Variants in NRXN3 observed in about 807,000 individuals in gnomAD.
NRXN3 encodes the protein neurexin III.
NRXN3 carries 32 observed loss-of-function variants against 137.6 expected under a neutral mutation model. That is an observed-to-expected ratio of 0.23 (90% confidence interval 0.18 to 0.31). The LOEUF is 0.31. Among genes scored for constraint, NRXN3 ranks in the 10% least tolerant of loss-of-function variants. NRXN3 has a pLI of 1.00. For missense variants in NRXN3, 1,574 were observed against 2,062.5 expected (o/e 0.76, Z 4.59); for synonymous variants, 798 against 784.5 (o/e 1.02, Z -0.29).
At chr14:79,763,659 T>TG (rs58287705) in intron 19 of NRXN3, among the ~76,000 whole-genome samples, 119,169 of 151,224 alleles carry the variant, frequency 0.79, 47,877 homozygotes, top group African/African-American at 0.94. Context: ...GGTGAGAGCT[T>TG]CTTCCTGGTT....
intron 14 of NRXN3, among the ~76,000 whole-genome samples, chr14:78,982,431 G>A (rs1056530886): frequency 1.3e-5 from 2 of 152,022 alleles, no homozygotes; most frequent in Non-Finnish European, 2.9e-5. Flanking sequence ...TAATAGTTCT[G>A]ACAAAAAACG....
chr14:78,427,863 T>C (rs1039192811), intron 4 of NRXN3, among the ~76,000 whole-genome samples: 1 of 152,220 alleles, frequency 6.6e-6, no homozygotes, highest in African/African-American at 2.4e-5. Flanking sequence ...AGGCATTTCC[T>C]GACCTTCCAC....
intron 4 of NRXN3, among the ~76,000 whole-genome samples, chr14:78,454,291 T>C (rs1407580286): frequency 6.7e-6 from 1 of 149,270 alleles, no homozygotes; most frequent in African/African-American, 2.6e-5. Context: ...TAGCTTCTCC[T>C]GATAACTTAA....
At chr14:78,569,723 C>A (rs921215986) in intron 4 of NRXN3, among the ~76,000 whole-genome samples, 5 of 151,856 alleles carry the variant, frequency 3.3e-5, no homozygotes, top group Non-Finnish European at 7.4e-5. Flanking sequence ...CCACACCCAG[C>A]TAATTTTTGT....
chr14:79,447,749 T>G (rs909657205), intron 15 of NRXN3, among the ~76,000 whole-genome samples: 8 of 152,236 alleles, frequency 5.3e-5, no homozygotes, highest in African/African-American at 1.9e-4. Context: ...CCAGTAATTT[T>G]TACGTATCAG....
intron 15 of NRXN3, among the ~76,000 whole-genome samples, chr14:79,234,053 G>A (rs980905997): frequency 6.6e-6 from 1 of 151,218 alleles, no homozygotes; most frequent in Non-Finnish European, 1.5e-5. Flanking sequence ...CTCTGGGAGT[G>A]AATAGGGGCT....
At chr14:78,428,750 A>G (rs1598550147) in intron 4 of NRXN3, among the ~76,000 whole-genome samples, 1 of 152,154 alleles carries the variant, frequency 6.6e-6, no homozygotes. Flanking sequence ...TTCAAAGGCC[A>G]TTAGACAGGA....
intron 17 of NRXN3, 60 bp downstream of exon 17, chr14:79,664,009 T>G: frequency 6.4e-7 from 1 of 1,557,640 alleles, no homozygotes. Flanking sequence ...CACTTTTCAG[T>G]GGTGATTTTT....
intron 19 of NRXN3, among the ~76,000 whole-genome samples, chr14:79,749,752 C>T (rs1026821088): frequency 6.7e-6 from 1 of 149,010 alleles, no homozygotes; most frequent in Non-Finnish European, 1.5e-5. Context: ...CCTTGATTTC[C>T]CATTCAAAGC....
At chr14:79,085,360 A>G (rs2047904101) in intron 15 of NRXN3, among the ~76,000 whole-genome samples, 1 of 152,166 alleles carries the variant, frequency 6.6e-6, no homozygotes, top group African/African-American at 2.4e-5. Context: ...CATTTATTTC[A>G]TAGATTACTT....
chr14:79,126,162 T>C (rs1203815546), intron 15 of NRXN3, among the ~76,000 whole-genome samples: 1 of 152,038 alleles, frequency 6.6e-6, no homozygotes, highest in Non-Finnish European at 1.5e-5. Context: ...TTCAGAGCAT[T>C]TATTTATTTT....
At chr14:78,192,349 A>T (rs1366821434) in intron 1 of NRXN3, among the ~76,000 whole-genome samples, 1 of 152,152 alleles carries the variant, frequency 6.6e-6, no homozygotes, top group Non-Finnish European at 1.5e-5. Context: ...AGGTAGTGGT[A>T]CAGGGCTTGG....
At chr14:78,800,926 C>G (rs1317256914) in intron 8 of NRXN3, among the ~76,000 whole-genome samples, 2 of 152,204 alleles carry the variant, frequency 1.3e-5, no homozygotes, top group Non-Finnish European at 2.9e-5. Flanking sequence ...AGTAGATGCC[C>G]AAGTCCTTTG....
chr14:78,571,994 T>G (rs1009131591), intron 4 of NRXN3, among the ~76,000 whole-genome samples: 4 of 152,350 alleles, frequency 2.6e-5, no homozygotes, highest in East Asian at 3.9e-4. Context: ...GTTAGGAAGC[T>G]GCCACTTCTG....
intron 11 of NRXN3, among the ~76,000 whole-genome samples, chr14:78,960,637 A>G (rs929613002): frequency 1.3e-5 from 2 of 152,226 alleles, no homozygotes; most frequent in Admixed American, 1.3e-4. Context: ...ATACATTACT[A>G]TACCAAGCAT....
chr14:79,604,160 G>A (rs1043412665), intron 16 of NRXN3, among the ~76,000 whole-genome samples: 1 of 151,652 alleles, frequency 6.6e-6, no homozygotes, highest in African/African-American at 2.4e-5. Flanking sequence ...CAAGGTGCTG[G>A]GATTACAAGT....
intron 3 of NRXN3, among the ~76,000 whole-genome samples, 180 bp from the exon 4 acceptor site, chr14:78,297,651 C>T (rs1291969087): frequency 6.6e-6 from 1 of 152,222 alleles, no homozygotes; most frequent in African/African-American, 2.4e-5. Flanking sequence ...ATGTTTGTTG[C>T]ATGTCCCAGG....
rs565150758 is a variant in NRXN3 at position 79,114,604 on chromosome 14, G to A, written c.3262+126463G>A. Among the ~76,000 whole-genome samples, 3 of 152,140 alleles carry A rather than the reference G, an allele frequency of 2.0e-5. 1 individual carries two copies. The South Asian group carries it at 6.2e-4, about 32-fold the overall frequency. On this transcript the variant is annotated intron_variant, in intron 15 of 20. Coordinates refer to ENST00000335750, the MANE Select transcript of NRXN3 (RefSeq NM_001330195.2). ...TTAAAATAAACTATCACTTCTTTAG[G>A]CTTCTGGTTTTGAAAGTTTTGAGTA...
intron 19 of NRXN3, among the ~76,000 whole-genome samples, chr14:79,743,381 T>G (rs1354301721): frequency 6.6e-6 from 1 of 152,136 alleles, no homozygotes; most frequent in African/African-American, 2.4e-5. Context: ...TGTCTAAAAT[T>G]TCACTGACAA....
Sources: gnomAD v4.1 joint callset for allele counts (sites outside exome capture counted in the v4.1 genomes callset) on GRCh38, gnomAD v4.1.1 for gene constraint, MANE v1.5 for transcripts, NCBI Gene and HGNC (gene_info 2026-07-23, HGNC 2026-07-21) for gene names.